Variants in KNL1 observed in about 807,000 individuals in gnomAD.
KNL1 encodes outer kinetochore KNL1 complex subunit KNL1.
In KNL1, 66 loss-of-function variants were observed where a neutral mutation model predicts 201.3. That is an observed-to-expected ratio of 0.33 (90% CI 0.27 to 0.40). The LOEUF (loss-of-function observed/expected upper bound fraction) is 0.40. KNL1 is among the 10% of genes least tolerant of loss of function. The pLI is 1.00. For missense variants in KNL1, 2,815 were observed against 2,690.5 expected, an observed-to-expected ratio of 1.05 and a Z score of -1.02; for synonymous variants, 895 against 899.2, an observed-to-expected ratio of 1.00 and a Z score of 0.08.
intron 19 of KNL1, 111 bp downstream of exon 19, chr15:40,650,694 C>T: frequency 3.2e-6 from 3 of 946,974 alleles, no homozygotes; most frequent in South Asian, 4.2e-5. Context: ...TTGATTGAGG[C>T]TGACTCAGGG....
At chr15:40,610,748 A>T (rs1471166410) in intron 6 of KNL1, 1 of 455,522 alleles carries the variant, frequency 2.2e-6, no homozygotes, top group Non-Finnish European at 4.4e-6. Flanking sequence ...GATAGTAAGT[A>T]AATTTATTTA....
Position 40,641,020 on chromosome 15 carries a change from A to G in KNL1, c.5791A>G (p.Ile1931Val). 2 of 1,596,372 alleles carry G rather than the reference A, an allele frequency of 1.3e-6. No homozygotes were observed. The highest frequency in any genetic ancestry group is 1.7e-6 in the Non-Finnish European group (2 of 1,166,066). ...AGATTGTGAGGCTCGTCGCCAAAAGATTGAAGAGTATGAAAGCTTTAATTT... is the reference window on the plus strand; with the variant it reads ...AGATTGTGAGGCTCGTCGCCAAAAGGTTGAAGAGTATGAAAGCTTTAATTT... The part of the protein sequence containing the change: ...REDCEARRQK[I>V]EELKLSASNQ... Residue 1931 changes from isoleucine to valine, a missense_variant, in exon 14 of 26, where the codon ATT becomes GTT. Physicochemically the swap from Ile to Val is conservative, Grantham distance 29. Transcript: ENST00000399668.
Position 40,657,101 on chromosome 15 carries a change from G to C in KNL1, c.6544G>C (p.Glu2182Gln). The C allele has an allele frequency of 1.2e-6, 2 of 1,610,018 alleles. No homozygotes were observed. The highest frequency in any genetic ancestry group is 1.7e-6 in the Non-Finnish European group (2 of 1,178,182). Residue 2182 changes from glutamate to glutamine, a missense_variant, in exon 23 of 26, where the codon GAA becomes CAA. Glu to Gln is a conservative substitution (Grantham distance 29). Transcript: ENST00000399668. ...TAAGCTTATTTTCCAGTACGTTGAAGAAAAGGAATCCTGGAAGAAGACATG... is the reference window on the plus strand; with the variant it reads ...TAAGCTTATTTTCCAGTACGTTGAACAAAAGGAATCCTGGAAGAAGACATG... The part of the protein sequence containing the change: ...VHKLIFQYVE[E>Q]KESWKKTCTT...
At chr15:40,633,412 C>T (rs1341683053) in intron 13 of KNL1, among the ~76,000 whole-genome samples, 1 of 151,730 alleles carries the variant, frequency 6.6e-6, no homozygotes, top group Non-Finnish European at 1.5e-5. Flanking sequence ...TGTGGTGATG[C>T]TAATGTAAAC....
chr15:40,660,250 C>T (rs1348053950), intron 25 of KNL1, among the ~76,000 whole-genome samples: 1 of 152,022 alleles, frequency 6.6e-6, no homozygotes, highest in Admixed American at 6.6e-5. Context: ...TGCTGGAGAC[C>T]ACTGGTCTAT....
Position 40,650,415 on chromosome 15 carries a change from G to A in KNL1, c.6172+37G>A, listed in dbSNP as rs774547065. 2.2e-5 allele frequency: 34 copies of A among 1,570,922 alleles called. No homozygotes were observed. The Admixed American group carries it at 5.6e-4, about 26-fold the overall frequency. On this transcript the variant is annotated intron_variant, in intron 18 of 25. Coordinates refer to ENST00000399668, the MANE Select transcript of KNL1 (RefSeq NM_144508.5). ...AGTTAAGGAGATAAATGGGTGTGGG[G>A]GAAGCCCTTCTGTTCTGAGTTTGTT...
chr15:40,618,537 A>T (rs893683047), intron 8 of KNL1, among the ~76,000 whole-genome samples: 19 of 152,110 alleles, frequency 1.2e-4, no homozygotes, highest in African/African-American at 1.7e-4. Context: ...TAATAATAAT[A>T]AGTAGTAGTC....
At position 40,662,784 on chromosome 15, in the gene KNL1, AC is replaced by A. The variant is rs1309443761; in HGVS notation, c.*600del. On this transcript the variant is annotated 3_prime_UTR_variant, in exon 26 of 26. Transcript: ENST00000399668. ...AGACCAGCCTGGGCAACATGGCAAA[AC>A]CCCACCTCTACAAAAAATACGAAAG... is the stretch of plus-strand genomic sequence containing the variant. 2 of 177,346 alleles carry A rather than the reference AC, an allele frequency of 1.1e-5. No individual in the cohort carries two copies. Among genetic ancestry groups the A allele is most frequent in the Non-Finnish European group, 2.4e-5 (2 of 82,668 alleles). 11.0% of individuals were successfully genotyped at this position (177,346 alleles called of 1,614,324 possible).
intron 2 of KNL1, among the ~76,000 whole-genome samples, chr15:40,603,942 A>G (rs771836188): frequency 2.6e-5 from 4 of 152,216 alleles, no homozygotes; most frequent in Admixed American, 6.5e-5. Context: ...AGGGCAGGTA[A>G]CTGCTGGGTT....
chr15:40,614,151 G>A (rs1892267094), intron 7 of KNL1, among the ~76,000 whole-genome samples: 1 of 139,514 alleles, frequency 7.2e-6, no homozygotes, highest in Non-Finnish European at 1.5e-5. Flanking sequence ...AGGCTGGAGT[G>A]CAGTGGCCTA....
Position 40,659,357 on chromosome 15 carries a change from T to C in KNL1, c.6732T>C (p.Ser2244=). Residue 2244 remains serine, a synonymous_variant, in exon 25 of 26, where the codon TCT becomes TCC. Coordinates refer to ENST00000399668, the MANE Select transcript of KNL1 (RefSeq NM_144508.5). ...INNNELRLLF[S]SSAAFAKFEI... The stretch of plus-strand genomic sequence containing the variant: ...TTTACAGATTGAGACTTTTATTCTC[T>C]AGCTCCGCAGCATTTGCAAAGTTTG... The C allele has an allele frequency of 6.2e-7, 1 of 1,612,990 alleles. No individual in the cohort carries two copies. The highest frequency in any genetic ancestry group is 8.5e-7 in the Non-Finnish European group (1 of 1,178,984).
At chr15:40,614,738 T>C (rs920566996) in intron 7 of KNL1, among the ~76,000 whole-genome samples, 3 of 152,210 alleles carry the variant, frequency 2.0e-5, no homozygotes, top group African/African-American at 7.2e-5. Flanking sequence ...TGTTACAATC[T>C]CTTGTATGGC....
At chr15:40,655,083 G>A (rs1893684390) in intron 22 of KNL1, 106 bp downstream of exon 22, 8 of 789,018 alleles carry the variant, frequency 1.0e-5, no homozygotes, top group Non-Finnish European at 1.5e-5. Flanking sequence ...GGATCACCAG[G>A]GGTCAGGAGT....
chr15:40,647,971 T>C (rs1893445309), intron 17 of KNL1, among the ~76,000 whole-genome samples: 1 of 152,234 alleles, frequency 6.6e-6, no homozygotes, highest in Non-Finnish European at 1.5e-5. Flanking sequence ...CCTAGTGCTT[T>C]CGTGTGCCTT....
Position 40,664,068 on chromosome 15 carries a change from T to C in KNL1, c.*1880T>C, listed in dbSNP as rs1040935794. The C allele has an allele frequency of 1.1e-5, 2 of 184,476 alleles. No homozygotes were observed. Among genetic ancestry groups the C allele is most frequent in the Non-Finnish European group, 2.3e-5 (2 of 86,948 alleles). 11.4% of individuals were successfully genotyped at this position (184,476 alleles called of 1,614,324 possible). On this transcript the variant is annotated 3_prime_UTR_variant, in exon 26 of 26. Transcript: ENST00000399668. ...CATGAAACTTAAGTTAGCTTTCTTA[T>C]TGGAGTTATTTCTTTTCTGTAAGTC...
At position 40,662,213 on chromosome 15, in the gene KNL1, C is replaced by A; in HGVS notation, c.*25C>A. On this transcript the variant is annotated 3_prime_UTR_variant, in exon 26 of 26. Coordinates refer to ENST00000399668, the MANE Select transcript of KNL1 (RefSeq NM_144508.5). ...GACCCTTGGACCACCATTGGAACAA[C>A]CAAGCAGAATGTACTTGATATTATT... 1.6e-6 allele frequency: 2 copies of A among 1,274,828 alleles called. No individual in the cohort carries two copies. The highest frequency in any genetic ancestry group is 2.3e-6 in the Non-Finnish European group (2 of 871,758). The allele number at this position is 1,274,828 out of a possible 1,614,324, so 79.0% of individuals were successfully genotyped here.
chr15:40,651,431 CAAA>C, intron 19 of KNL1, 37 bp from the exon 20 acceptor site: 1 of 1,415,872 alleles, frequency 7.1e-7, no homozygotes, highest in Non-Finnish European at 9.7e-7. Flanking sequence ...AATTCTCTAA[CAAA>C]AACCTTATCT....
chr15:40,643,682 T>C (rs1021256399), intron 14 of KNL1, among the ~76,000 whole-genome samples: 2 of 152,160 alleles, frequency 1.3e-5, no homozygotes, highest in Non-Finnish European at 2.9e-5. Flanking sequence ...GCTACAACTT[T>C]ATAGCAGCGA....
rs73394756 is a variant in KNL1, at chr15:40,622,278, A to G, written c.2014A>G (p.Ile672Val). 2 of 1,614,036 alleles carry G rather than the reference A, an allele frequency of 1.2e-6. No individual in the cohort carries two copies. The highest frequency in any genetic ancestry group is 2.2e-5 in the South Asian group (2 of 91,084). ...TCAGGAGATAGCAACAAGCCATAATATAGTCTACTGTGGTGGAGTTCTTGA... is the reference window on the plus strand; with the variant it reads ...TCAGGAGATAGCAACAAGCCATAATGTAGTCTACTGTGGTGGAGTTCTTGA... Reference protein sequence around the residue: ...CNQEIATSHNIVYCGGVLDKQ... With the variant: ...CNQEIATSHNVVYCGGVLDKQ... Residue 672 changes from isoleucine (I) to valine (V), a missense_variant, in exon 10 of 26, where the codon ATA (isoleucine) becomes GTA (valine). Physicochemically the swap from Ile to Val is conservative, Grantham distance 29. Around this residue, in one of 3 missense-constraint regions of KNL1, gnomAD observed 2,464 missense variants for 2,291.7 expected, o/e 1.08. Coordinates refer to ENST00000399668, the MANE Select transcript of KNL1 (RefSeq NM_144508.5).
Sources: gnomAD v4.1 joint callset for allele counts (sites outside exome capture counted in the v4.1 genomes callset) on GRCh38, gnomAD v4.1.1 for gene constraint, gnomAD v4.1.1 regional missense constraint, MANE v1.5 for transcripts, NCBI Gene and HGNC (gene_info 2026-07-23, HGNC 2026-07-21) for gene names.